The following SUGCT variants were observed in gnomAD, a reference collection of about 807,000 sequenced individuals.
SUGCT encodes succinyl-CoA:glutarate-CoA transferase.
A neutral mutation model predicts 55.0 loss-of-function variants in SUGCT; 41 were observed. The ratio of observed to expected loss-of-function variants is 0.74; its 90% CI spans 0.58 to 0.97. SUGCT has a LOEUF of 0.97. SUGCT is among the 50% of genes least tolerant of loss of function. The pLI is 0.00. For missense variants in SUGCT, 568 were observed against 547.8 expected, an observed-to-expected ratio of 1.04 and a Z score of -0.37; for synonymous variants, 187 against 200.4, an observed-to-expected ratio of 0.93 and a Z score of 0.56.
intron 1 of SUGCT, among the ~76,000 whole-genome samples, chr7:40,145,695 T>C (rs1000981597): frequency 6.6e-6 from 1 of 152,360 alleles, no homozygotes; most frequent in Middle Eastern, 3.4e-3. Flanking sequence ...TCTTTGGTAT[T>C]AATAAGACCC....
the SUGCT span, among the ~76,000 whole-genome samples, chr7:40,958,480 G>A: frequency 6.6e-5 from 10 of 151,650 alleles, no homozygotes; most frequent in Admixed American, 2.0e-4. Flanking sequence ...TATGCTTCAC[G>A]AAGTTCTCGT....
the SUGCT span, among the ~76,000 whole-genome samples, chr7:40,898,102 A>G: frequency 6.6e-6 from 1 of 152,160 alleles, no homozygotes; most frequent in African/African-American, 2.4e-5. Flanking sequence ...ACACTCACCC[A>G]GAAGGTCTGC....
At position 40,785,749 on chromosome 7, in the gene SUGCT, GC is replaced by G. The variant is rs1277735498; in HGVS notation, c.1153+36253del. On this transcript the variant is annotated intron_variant, in intron 13 of 13. Coordinates refer to ENST00000335693, the MANE Select transcript of SUGCT (RefSeq NM_001193313.2). ...AGAATTGTAATTGTATTACAGTTAGGCAAAATCATTAATTAGGCTTCTGTTT... is the reference window on the plus strand; with the variant it reads ...AGAATTGTAATTGTATTACAGTTAGGAAAATCATTAATTAGGCTTCTGTTT... Among the ~76,000 whole-genome samples, 4 of 152,200 alleles carry G rather than the reference GC, an allele frequency of 2.6e-5. No individual in the cohort carries two copies. In the South Asian group the frequency reaches 6.2e-4, roughly 24 times the overall value.
chr7:40,653,974 T>C (rs913645153), intron 12 of SUGCT, among the ~76,000 whole-genome samples: 1 of 151,650 alleles, frequency 6.6e-6, no homozygotes, highest in African/African-American at 2.4e-5. Context: ...AGACATATGG[T>C]TAAAACCACA....
At chr7:40,897,307 A>G in the SUGCT span, among the ~76,000 whole-genome samples, 1 of 152,186 alleles carries the variant, frequency 6.6e-6, no homozygotes, top group Non-Finnish European at 1.5e-5. Context: ...ACTTTTTTGG[A>G]TATGACCCCA....
chr7:40,856,772 A>G (rs1235021007), intron 13 of SUGCT, among the ~76,000 whole-genome samples: 1 of 152,212 alleles, frequency 6.6e-6, no homozygotes, highest in Non-Finnish European at 1.5e-5. Context: ...CCATCCAAGT[A>G]TGCGAACACT....
intron 6 of SUGCT, among the ~76,000 whole-genome samples, chr7:40,231,219 C>G (rs1051711465): frequency 6.6e-6 from 1 of 152,108 alleles, no homozygotes; most frequent in Non-Finnish European, 1.5e-5. Flanking sequence ...TATCTCTGTC[C>G]TATAGCCGGT....
intron 12 of SUGCT, among the ~76,000 whole-genome samples, chr7:40,507,855 C>T (rs1792693868): frequency 6.6e-6 from 1 of 152,132 alleles, no homozygotes; most frequent in Non-Finnish European, 1.5e-5. Context: ...ACAGAGTTGC[C>T]TGTGATCTCA....
chr7:40,530,288 T>C (rs1794016160), intron 12 of SUGCT, among the ~76,000 whole-genome samples: 1 of 152,238 alleles, frequency 6.6e-6, no homozygotes, highest in Admixed American at 6.5e-5. Flanking sequence ...AGAAAATGAC[T>C]GTTTAGAATC....
chr7:40,474,427 C>G (rs563939928), intron 11 of SUGCT, among the ~76,000 whole-genome samples: 1 of 152,178 alleles, frequency 6.6e-6, no homozygotes, highest in South Asian at 2.1e-4. Context: ...AATCATGTAA[C>G]CAGAGGGTGT....
intron 12 of SUGCT, among the ~76,000 whole-genome samples, chr7:40,615,161 A>G (rs537332648): frequency 1.3e-5 from 2 of 152,266 alleles, no homozygotes; most frequent in East Asian, 3.9e-4. Flanking sequence ...ATCCACCACA[A>G]ATTTGATCTA....
intron 13 of SUGCT, among the ~76,000 whole-genome samples, chr7:40,832,890 G>T (rs1792770766): frequency 6.6e-6 from 1 of 151,924 alleles, no homozygotes; most frequent in African/African-American, 2.4e-5. Flanking sequence ...TAACCAGGAT[G>T]GTCTCGATCT....
chr7:40,561,688 CTTTT>C (rs777766517), intron 12 of SUGCT, among the ~76,000 whole-genome samples: 2 of 100,154 alleles, frequency 2.0e-5, no homozygotes, highest in Non-Finnish European at 3.9e-5. Context: ...TAAGCCGAGT[CTTTT>C]TTTTTTTTTT....
chr7:40,728,709 A>G (rs1385336203), intron 12 of SUGCT, among the ~76,000 whole-genome samples: 2 of 152,140 alleles, frequency 1.3e-5, no homozygotes, highest in Non-Finnish European at 2.9e-5. Flanking sequence ...CTGAAAAAAT[A>G]TATTTTTTAC....
In SUGCT at chr7:40,729,690, A is replaced by G. The variant is rs146251397; in HGVS notation, c.1090-19744A>G. ...AATTTTGGACTTTATCTTGTAGACC[A>G]ACAGTTACAATTCAGATACCATCAG... On this transcript the variant is annotated intron_variant, in intron 12 of 13. Coordinates refer to ENST00000335693, the MANE Select transcript of SUGCT (RefSeq NM_001193313.2). Among the ~76,000 whole-genome samples the G allele has an allele frequency of 1.5e-3, 232 of 152,324 alleles. 2 individuals carry two copies. The highest frequency in any genetic ancestry group is 5.4e-3 in the African/African-American group (225 of 41,576).
intron 10 of SUGCT, among the ~76,000 whole-genome samples, chr7:40,457,073 T>G (rs1041537197): frequency 6.6e-6 from 1 of 152,184 alleles, no homozygotes; most frequent in African/African-American, 2.4e-5. Flanking sequence ...TCTTTTTTTT[T>G]TGTTTTTGCC....
chr7:40,503,064 A>G (rs993104938), intron 12 of SUGCT, among the ~76,000 whole-genome samples: 2 of 152,176 alleles, frequency 1.3e-5, no homozygotes, highest in Non-Finnish European at 2.9e-5. Flanking sequence ...GTTAGCAACT[A>G]TCTTTTCTCA....
chr7:40,945,074 C>T, the SUGCT span, among the ~76,000 whole-genome samples: 4 of 152,054 alleles, frequency 2.6e-5, no homozygotes, highest in Non-Finnish European at 5.9e-5. Flanking sequence ...GTTCAGACTT[C>T]AGGCAGTAGA....
At chr7:40,472,066 C>T (rs908693600) in intron 11 of SUGCT, among the ~76,000 whole-genome samples, 1 of 152,050 alleles carries the variant, frequency 6.6e-6, no homozygotes, top group Non-Finnish European at 1.5e-5. Context: ...TTGCGTAAGA[C>T]ATAGTAAGAC....
Sources: allele counts gnomAD v4.1 joint callset (sites outside exome capture counted in the v4.1 genomes callset), GRCh38; gene constraint gnomAD v4.1.1; transcripts MANE v1.5; gene names NCBI Gene and HGNC (gene_info 2026-07-23, HGNC 2026-07-21).